FAM78B: variants seen among roughly 807,000 people sequenced by gnomAD.
FAM78B encodes the protein protein FAM78B.
Under a neutral mutation model 20.0 loss-of-function variants are expected in FAM78B, and 10 were observed. That is an observed-to-expected ratio of 0.50 (90% CI 0.31 to 0.85). The LOEUF (loss-of-function observed/expected upper bound fraction) is 0.85, where lower values mean the gene tolerates loss of function less well. Among genes scored for constraint, FAM78B ranks in the 40% least tolerant of loss-of-function variants. The pLI, the probability that FAM78B is intolerant of heterozygous loss-of-function variation, is 0.05. For synonymous variants in FAM78B, 135 were observed against 132.8 expected (o/e 1.02, Z -0.12); for missense variants, 283 against 345.0 (o/e 0.82, Z 1.42).
chr1:166,132,594 T>G (rs780561629), intron 1 of FAM78B, among the ~76,000 whole-genome samples: 4 of 152,152 alleles, frequency 2.6e-5, no homozygotes, highest in Non-Finnish European at 4.4e-5. Flanking sequence ...CAGTGGGAGA[T>G]TCCCTCCATC....
At chr1:166,129,248 G>A (rs934337759) in intron 1 of FAM78B, among the ~76,000 whole-genome samples, 2 of 152,208 alleles carry the variant, frequency 1.3e-5, no homozygotes, top group Admixed American at 1.3e-4. Context: ...AGCAGCATAT[G>A]GCATGTGCTC....
intron 1 of FAM78B, among the ~76,000 whole-genome samples, chr1:166,099,079 G>T (rs55704823): frequency 0.2 from 29,694 of 152,100 alleles, 3,306 homozygotes; most frequent in East Asian, 0.38. Context: ...AGAAGGGATT[G>T]GGGCCCTATC....
downstream of FAM78B, among the ~76,000 whole-genome samples, chr1:166,068,771 G>T (rs1048853936): frequency 5.3e-5 from 8 of 152,146 alleles, no homozygotes; most frequent in African/African-American, 1.9e-4. Context: ...TGCATGGAAG[G>T]GGGTGGTGAA....
At chr1:166,140,331 T>C (rs1467867300) in intron 1 of FAM78B, among the ~76,000 whole-genome samples, 1 of 152,210 alleles carries the variant, frequency 6.6e-6, no homozygotes, top group Non-Finnish European at 1.5e-5. Context: ...CCCAGCTTGA[T>C]TGCTGCCTGG....
At chr1:166,067,566 A>G (rs1309179713), downstream of FAM78B, among the ~76,000 whole-genome samples, 1 of 152,182 alleles carries the variant, frequency 6.6e-6, no homozygotes, top group Non-Finnish European at 1.5e-5. Flanking sequence ...TTTCAAGGTT[A>G]ATTCTCTCTT....
chr1:166,131,945 T>C (rs1654891202), intron 1 of FAM78B, among the ~76,000 whole-genome samples: 1 of 152,054 alleles, frequency 6.6e-6, no homozygotes, highest in African/African-American at 2.4e-5. Context: ...TGTACATGCA[T>C]TGCTCTCCCT....
intron 1 of FAM78B, among the ~76,000 whole-genome samples, chr1:166,120,179 T>C (rs1654414736): frequency 6.6e-6 from 1 of 152,224 alleles, no homozygotes; most frequent in African/African-American, 2.4e-5. Flanking sequence ...GGGCTTTACA[T>C]ATGCCATTTC....
At chr1:166,135,527 A>G (rs887127477) in intron 1 of FAM78B, among the ~76,000 whole-genome samples, 1 of 152,230 alleles carries the variant, frequency 6.6e-6, no homozygotes, top group Non-Finnish European at 1.5e-5. Flanking sequence ...TTCACTAGCA[A>G]TAAGTAACAA....
In FAM78B at chr1:166,070,351, T is replaced by C; in HGVS notation, c.676A>G (p.Met226Val). 3.7e-6 allele frequency: 6 copies of C among 1,612,876 alleles called. No individual in the cohort carries two copies. Among genetic ancestry groups the C allele is most frequent in the Non-Finnish European group, 4.2e-6 (5 of 1,179,240 alleles). Reference sequence around the variant, plus strand: ...AGTGCATTAGGGGGGATGGGTTCCATCCGGCTCAGGATCCGGGGCTGCTCC... The same window carrying C: ...AGTGCATTAGGGGGGATGGGTTCCACCCGGCTCAGGATCCGGGGCTGCTCC... ...QQEQPRILSR[M>V]EPIPPNALVK... Residue 226 changes from methionine to valine, a missense_variant, in exon 2 of 2, where the codon ATG (methionine) becomes GTG (valine). Met to Val is a conservative substitution (Grantham distance 21). Transcript: ENST00000354422.
intron 1 of FAM78B, among the ~76,000 whole-genome samples, chr1:166,163,805 G>A (rs115683374): frequency 0.014 from 2,078 of 152,294 alleles, 55 homozygotes; most frequent in African/African-American, 0.047. Flanking sequence ...GTAGACTGTG[G>A]ACACAAATCT....
chr1:166,079,597 AG>A (rs995294757), intron 1 of FAM78B, among the ~76,000 whole-genome samples: 4 of 152,110 alleles, frequency 2.6e-5, no homozygotes, highest in Non-Finnish European at 5.9e-5. Context: ...CAGGGGTGGG[AG>A]GGGAAGTAGG....
intron 1 of FAM78B, among the ~76,000 whole-genome samples, chr1:166,077,790 T>C (rs1363537655): frequency 2.2e-5 from 3 of 134,678 alleles, no homozygotes; most frequent in Non-Finnish European, 4.6e-5. Flanking sequence ...AATAAATACA[T>C]ATAATTATAT....
At chr1:166,117,420 T>C (rs927687157) in intron 1 of FAM78B, among the ~76,000 whole-genome samples, 1 of 152,182 alleles carries the variant, frequency 6.6e-6, no homozygotes, top group Non-Finnish European at 1.5e-5. Flanking sequence ...CACATTTTCC[T>C]TTCTTAATTT....
At chr1:166,109,848 A>ATATATATGTG (rs1653947350) in intron 1 of FAM78B, among the ~76,000 whole-genome samples, 1 of 28,450 alleles carries the variant, frequency 3.5e-5, no homozygotes, top group African/African-American at 8.9e-5. Flanking sequence ...ATGTATATAT[A>ATATATATGTG]TATATATATA....
chr1:166,109,658 G>A (rs2101755499), intron 1 of FAM78B, among the ~76,000 whole-genome samples: 1 of 150,900 alleles, frequency 6.6e-6, no homozygotes, highest in South Asian at 2.1e-4. Flanking sequence ...TCACACTATT[G>A]AGTATCTACC....
At chr1:166,082,053 G>A (rs1652604000) in intron 1 of FAM78B, among the ~76,000 whole-genome samples, 1 of 152,192 alleles carries the variant, frequency 6.6e-6, no homozygotes, top group Non-Finnish European at 1.5e-5. Flanking sequence ...CTGGGACACT[G>A]CTTCCAAGCT....
intron 1 of FAM78B, among the ~76,000 whole-genome samples, chr1:166,125,895 G>A (rs1201961586): frequency 1.3e-5 from 2 of 148,894 alleles, no homozygotes; most frequent in African/African-American, 2.5e-5. Flanking sequence ...GCAGTGGCGC[G>A]ATCTCAGCTC....
chr1:166,092,405 C>G (rs918296868), intron 1 of FAM78B, among the ~76,000 whole-genome samples: 1 of 152,194 alleles, frequency 6.6e-6, no homozygotes, highest in South Asian at 2.1e-4. Context: ...CTTGTTCAAA[C>G]GGGCCCCTCC....
intron 2 of FAM78B, chr1:166,060,734 A>G (rs750817272): frequency 2.3e-5 from 21 of 915,550 alleles, no homozygotes; most frequent in Non-Finnish European, 2.2e-5. Context: ...GTCATTCCCT[A>G]AAAGCAGATG....
Sources: gnomAD v4.1 joint callset for allele counts (sites outside exome capture counted in the v4.1 genomes callset) on GRCh38, gnomAD v4.1.1 for gene constraint, MANE v1.5 for transcripts, NCBI Gene and HGNC (gene_info 2026-07-23, HGNC 2026-07-21) for gene names.